The following PLEKHG4B variants were observed in gnomAD, a reference collection of about 807,000 sequenced individuals.
PLEKHG4B encodes pleckstrin homology domain-containing family G member 4B.
Under a neutral mutation model 121.3 loss-of-function variants are expected in PLEKHG4B, and 111 were observed. The ratio of observed to expected loss-of-function variants is 0.92; its 90% CI spans 0.78 to 1.07. PLEKHG4B has a LOEUF of 1.07. PLEKHG4B is among the 50% of genes least tolerant of loss of function. PLEKHG4B has a pLI of 0.00. For missense variants in PLEKHG4B, 1,831 were observed against 1,757.8 expected (o/e 1.04, Z -0.74); for synonymous variants, 738 against 725.0 (o/e 1.02, Z -0.29).
intron 7 of PLEKHG4B, among the ~76,000 whole-genome samples, chr5:154,141 G>A (rs1735689458): frequency 6.6e-6 from 1 of 152,070 alleles, no homozygotes; most frequent in African/African-American, 2.4e-5. Flanking sequence ...GAGTAGCTGG[G>A]ACCACAGGTG....
chr5:159,028 G>A lies in PLEKHG4B; in HGVS notation c.2487+2117G>A, dbSNP rs995926934. 6.6e-6 allele frequency among the ~76,000 whole-genome samples: 1 copy of A among 151,844 alleles called. No individual in the cohort carries two copies. Among genetic ancestry groups the A allele is most frequent in the East Asian group, 1.9e-4 (1 of 5,146 alleles). On this transcript the variant is annotated intron_variant, in intron 11 of 19. Coordinates refer to ENST00000637938, the MANE Select transcript of PLEKHG4B (RefSeq NM_052909.5). The surrounding 1 kb of genome is among the most constrained non-coding windows in gnomAD (Gnocchi z 5.5). ...TCGCCAGCTGGAAGGCCCTGCGCCT[G>A]TGCTTAGCTTCCATCCCACTCCCAG...
intron 1 of PLEKHG4B, among the ~76,000 whole-genome samples, chr5:111,082 T>C (rs1734144692): frequency 6.6e-6 from 1 of 152,366 alleles, no homozygotes; most frequent in African/African-American, 2.4e-5. Flanking sequence ...TCCCTCATCA[T>C]GAGCAGTCAT....
intron 18 of PLEKHG4B, among the ~76,000 whole-genome samples, chr5:174,880 G>A (rs949136550): frequency 1.3e-5 from 2 of 151,994 alleles, no homozygotes; most frequent in Non-Finnish European, 2.9e-5. Flanking sequence ...TCCGTGACTC[G>A]ATCTCCAAAG....
At position 176,020 on chromosome 5, in the gene PLEKHG4B, C is replaced by A. The variant is rs919373885; in HGVS notation, c.4402+1922C>A. ...CTGCACGGCTGCACCCCGCCTGAGC[C>A]CTGACCCCCTCCAGGTGAAGCCACC... On this transcript the variant is annotated intron_variant, in intron 18 of 19. Coordinates refer to ENST00000637938, the MANE Select transcript of PLEKHG4B (RefSeq NM_052909.5). Among the ~76,000 whole-genome samples, 25 of 117,360 alleles carry A rather than the reference C, an allele frequency of 2.1e-4. 3 individuals carry two copies. Among genetic ancestry groups the A allele is most frequent in the African/African-American group, 6.6e-4 (25 of 37,688 alleles). 77.0% of individuals were successfully genotyped at this position (117,360 alleles called of 152,430 possible).
intron 18 of PLEKHG4B, among the ~76,000 whole-genome samples, chr5:176,506 C>G (rs1257560537): frequency 6.6e-6 from 1 of 152,206 alleles, no homozygotes; most frequent in Non-Finnish European, 1.5e-5. Flanking sequence ...GGTCCGTGCT[C>G]GCAAGTGGGG....
At position 137,661 on chromosome 5, in the gene PLEKHG4B, A is replaced by G. The variant is rs1005314240; in HGVS notation, c.244-1822A>G. ...ACACCCTCCCATTTCTGTTTTCTGG[A>G]AAAAGTCTAGTGGTGCGATTACAAG... On this transcript the variant is annotated intron_variant, in intron 2 of 19. Coordinates refer to ENST00000637938, the MANE Select transcript of PLEKHG4B (RefSeq NM_052909.5). The surrounding 1 kb of genome is among the most constrained non-coding windows in gnomAD (Gnocchi z 4.2). 2.0e-5 allele frequency among the ~76,000 whole-genome samples: 3 copies of G among 152,216 alleles called. No homozygotes were observed. Among genetic ancestry groups the G allele is most frequent in the Non-Finnish European group, 4.4e-5 (3 of 68,048 alleles).
In PLEKHG4B at chr5:157,215, C is replaced by T. The variant is rs1438543706; in HGVS notation, c.2487+304C>T. The T allele has an allele frequency of 4.9e-6, 2 of 407,036 alleles. No homozygotes were observed. Among genetic ancestry groups the T allele is most frequent in the South Asian group, 4.3e-5 (2 of 47,008 alleles). The allele number at this position is 407,036 out of a possible 1,614,324, so 25.2% of individuals were successfully genotyped here. ...CAGTGTGAATAGCTGGGTGTATCTT[C>T]CGGACGCTTTCTCCATGTGCATGCG... On this transcript the variant is annotated intron_variant, in intron 11 of 19. Coordinates refer to ENST00000637938, the MANE Select transcript of PLEKHG4B (RefSeq NM_052909.5). This position sits in a 1 kb window ranked among gnomAD's most constrained non-coding sequence, Gnocchi z 4.6.
At chr5:110,778 G>A (rs538038908) in intron 1 of PLEKHG4B, among the ~76,000 whole-genome samples, 9 of 152,346 alleles carry the variant, frequency 5.9e-5, no homozygotes, top group East Asian at 5.8e-4. Flanking sequence ...TCTGCAACAC[G>A]TGCACACACC....
intron 13 of PLEKHG4B, among the ~76,000 whole-genome samples, chr5:164,500 CAG>C (rs149919750): frequency 0.015 from 1,250 of 84,554 alleles, 11 homozygotes; most frequent in Non-Finnish European, 0.017. Context: ...AATGCTCTGA[CAG>C]GGGGCGGAGC....
At chr5:99,552 G>T (rs1324219029) in intron 1 of PLEKHG4B, among the ~76,000 whole-genome samples, 1 of 151,904 alleles carries the variant, frequency 6.6e-6, no homozygotes, top group Non-Finnish European at 1.5e-5. Context: ...TTCATTGCTG[G>T]TGTATAGAAA....
chr5:162,020 C>T (rs1313348057), intron 12 of PLEKHG4B, 76 bp downstream of exon 12: 2 of 1,488,192 alleles, frequency 1.3e-6, no homozygotes, highest in East Asian at 2.4e-5. Flanking sequence ...TGCCTCCCCT[C>T]ACAAGCTGGA....
intron 2 of PLEKHG4B, among the ~76,000 whole-genome samples, chr5:131,600 A>G (rs763481645): frequency 2.0e-5 from 3 of 152,250 alleles, no homozygotes; most frequent in Non-Finnish European, 4.4e-5. Flanking sequence ...TTATAGTAGC[A>G]TGATTTATAA....
chr5:134,076 AATATATATAT>A (rs67940117), intron 2 of PLEKHG4B, among the ~76,000 whole-genome samples: 1,479 of 40,256 alleles, frequency 0.037, 33 homozygotes, highest in African/African-American at 0.066. Context: ...TATATGATAG[AATATATATAT>A]ATATATATAT....
chr5:156,874 T>C lies in PLEKHG4B; in HGVS notation c.2450T>C (p.Leu817Pro), dbSNP rs1179913115. ...SNNRLQQLEH[L>P]RELASLLEGN... is the part of the protein sequence containing the mutation. ...AATCGTCTCCAGCAGCTGGAGCACC[T>C]CCGGGAGCTGGCGTCACTCCTGGAA... The change falls in exon 11 of 20, where the codon CTC becomes CCC. Residue 817 changes from leucine to proline, a missense_variant. Coordinates refer to ENST00000637938, the MANE Select transcript of PLEKHG4B (RefSeq NM_052909.5). This position sits in a 1 kb window ranked among gnomAD's most constrained non-coding sequence, Gnocchi z 4.4. The C allele has an allele frequency of 1.2e-6, 2 of 1,610,902 alleles. No individual in the cohort carries two copies. Among genetic ancestry groups the C allele is most frequent in the Non-Finnish European group, 1.7e-6 (2 of 1,179,054 alleles).
intron 1 of PLEKHG4B, among the ~76,000 whole-genome samples, chr5:104,484 G>A (rs897702184): frequency 3.3e-5 from 5 of 152,142 alleles, no homozygotes; most frequent in Admixed American, 2.6e-4. Context: ...ATTATAAAGG[G>A]GTATAAATGT....
intron 18 of PLEKHG4B, among the ~76,000 whole-genome samples, chr5:175,481 CT>C (rs1307286834): frequency 3.9e-5 from 6 of 152,180 alleles, no homozygotes; most frequent in African/African-American, 1.4e-4. Context: ...GCCAAAGCCA[CT>C]GTAAACCCAG....
intron 2 of PLEKHG4B, among the ~76,000 whole-genome samples, chr5:129,841 CA>C (rs1560913171): frequency 1.3e-5 from 2 of 151,894 alleles, no homozygotes; most frequent in Non-Finnish European, 2.9e-5. Flanking sequence ...CCTGCCTTAG[CA>C]AACTAATTGC....
In PLEKHG4B at chr5:162,838, G is replaced by A. The variant is rs996473053; in HGVS notation, c.2766G>A (p.Gly922=). 6.0e-6 allele frequency: 9 copies of A among 1,510,484 alleles called. No individual in the cohort carries two copies. The highest frequency in any genetic ancestry group is 8.0e-6 in the Non-Finnish European group (9 of 1,129,312). 93.6% of individuals were successfully genotyped at this position (1,510,484 alleles called of 1,614,324 possible). The change falls in exon 13 of 20, where the codon GGG becomes GGA. Residue 922 remains glycine, a synonymous_variant. Transcript: ENST00000637938. ...ATSVAAEAFP[G]AGVAVLKPHA... The stretch of plus-strand genomic sequence containing the variant: ...CGGTGGCTGCAGAGGCCTTCCCCGG[G>A]GCAGGTGTGGCAGTGCTGAAGCCTC...
intron 3 of PLEKHG4B, among the ~76,000 whole-genome samples, chr5:141,509 C>G (rs1419447177): frequency 1.3e-5 from 2 of 150,866 alleles, no homozygotes. Flanking sequence ...TCTCCCTCTC[C>G]TTGCTCTTGG....
Sources: gnomAD v4.1 joint callset for allele counts (sites outside exome capture counted in the v4.1 genomes callset) on GRCh38, gnomAD v4.1.1 for gene constraint, Gnocchi (gnomAD v3.1) non-coding constraint, MANE v1.5 for transcripts, NCBI Gene and HGNC (gene_info 2026-07-23, HGNC 2026-07-21) for gene names.